The following PRKDC variants were observed in gnomAD, a reference collection of about 807,000 sequenced individuals.
PRKDC encodes the protein protein kinase, DNA-activated, catalytic subunit, also known as DNA-dependent protein kinase catalytic subunit.
PRKDC carries 82 observed loss-of-function variants against 486.9 expected under a neutral mutation model. The observed-to-expected ratio is 0.17, with a 90% CI of 0.14 to 0.20. The LOEUF (loss-of-function observed/expected upper bound fraction) is 0.20. Ranked by LOEUF, PRKDC falls within the 10% of genes least tolerant of loss-of-function variation. The pLI, the probability that PRKDC is intolerant of heterozygous loss-of-function variation, is 1.00. For synonymous variants in PRKDC, 1,895 were observed against 1,837.0 expected (o/e 1.03, Z -0.81); for missense variants, 4,504 against 5,038.2 (o/e 0.89, Z 3.21).
intron 51 of PRKDC, 39 bp downstream of exon 51, chr8:47,854,044 G>C (rs764867353): frequency 1.1e-5 from 18 of 1,608,528 alleles, no homozygotes; most frequent in Non-Finnish European, 1.4e-5. Flanking sequence ...ATCCAGTTTG[G>C]GTAGACGTGA....
Position 47,862,447 on chromosome 8 carries a change from T to C in PRKDC, c.5845A>G (p.Ile1949Val), listed in dbSNP as rs56083215. 40 of 1,613,864 alleles carry C rather than the reference T, an allele frequency of 2.5e-5. No homozygotes were observed. The highest frequency in any genetic ancestry group is 1.7e-4 in the Admixed American group (10 of 60,008). ...TTGAAGACACAGCAGATGACAGATA[T>C]GGCGCAGTTGTATGCTGCACAATGG... ...LYHCAAYNCA[I>V]SVICCVFNEL... The change falls in exon 43 of 86, where the codon ATA (isoleucine) becomes GTA (valine). Residue 1949 changes from isoleucine (I) to valine (V), a missense_variant. By Grantham distance (29) the Ile-to-Val change is conservative (BLOSUM62 3). Coordinates refer to ENST00000314191, the MANE Select transcript of PRKDC (RefSeq NM_006904.7).
At position 47,960,073 on chromosome 8, in the gene PRKDC, G is replaced by C. The variant is rs759688450; in HGVS notation, c.54C>G (p.Thr18=). 2.0e-6 allele frequency: 3 copies of C among 1,530,860 alleles called. No homozygotes were observed. Among genetic ancestry groups the C allele is most frequent in the Non-Finnish European group, 1.7e-6 (2 of 1,145,196 alleles). 94.8% of individuals were successfully genotyped at this position (1,530,860 alleles called of 1,614,324 possible). A position where few individuals can be genotyped will look rare whatever the true frequency, so the allele number is the denominator to read the frequency against. Residue 18 remains threonine (T), a synonymous_variant, in exon 1 of 86, where the codon ACC becomes ACG. Transcript: ENST00000314191. ...VRCSLLRLQE[T]LSAADRCGAA... ...CACCGCAGCGGTCCGCAGCGGACAA[G>C]GTCTCCTGCAGCCGCAGCAGGGAGC...
At chr8:47,947,430 T>C (rs995574594) in intron 7 of PRKDC, among the ~76,000 whole-genome samples, 1 of 152,214 alleles carries the variant, frequency 6.6e-6, no homozygotes, top group Non-Finnish European at 1.5e-5. Context: ...AACTTGGTGA[T>C]TTCAATTACT....
chr8:47,927,143 CTCCATT>C, intron 21 of PRKDC, 45 bp downstream of exon 21: 1 of 1,554,782 alleles, frequency 6.4e-7, no homozygotes, highest in Non-Finnish European at 8.8e-7. Flanking sequence ...ATTATAGTTA[CTCCATT>C]TCCATTTTAA....
chr8:47,885,871 G>T, intron 36 of PRKDC, 73 bp downstream of exon 36: 2 of 1,455,752 alleles, frequency 1.4e-6, no homozygotes, highest in Non-Finnish European at 1.9e-6. Context: ...CAGCCTGGGC[G>T]AAAGTGCAAG....
intron 68 of PRKDC, among the ~76,000 whole-genome samples, chr8:47,808,557 C>T (rs1273114600): frequency 6.6e-6 from 1 of 152,142 alleles, no homozygotes; most frequent in African/African-American, 2.4e-5. Context: ...ACACTACAGC[C>T]TTGAATTCCT....
intron 28 of PRKDC, among the ~76,000 whole-genome samples, chr8:47,899,750 C>T (rs549380852): frequency 3.3e-5 from 5 of 152,280 alleles, no homozygotes; most frequent in African/African-American, 1.2e-4. Flanking sequence ...GCCTCTGTGC[C>T]CCAACTACAT....
Position 47,782,932 on chromosome 8 carries a change from T to C in PRKDC, c.11176-334A>G, listed in dbSNP as rs1486127953. The C allele has an allele frequency of 3.2e-6, 1 of 315,798 alleles. No homozygotes were observed. Among genetic ancestry groups the C allele is most frequent in the Non-Finnish European group, 6.0e-6 (1 of 166,992 alleles). 19.6% of individuals were successfully genotyped at this position (315,798 alleles called of 1,614,324 possible). A position where few individuals can be genotyped will look rare whatever the true frequency, so the allele number is the denominator to read the frequency against. On this transcript the variant is annotated intron_variant, in intron 78 of 85. Coordinates refer to ENST00000314191, the MANE Select transcript of PRKDC (RefSeq NM_006904.7). This position sits in a 1 kb window ranked among gnomAD's most constrained non-coding sequence, Gnocchi z 4.9. ...ACTCACACACAGCTTACTCTTTGAG[T>C]TTATGATATCTTAAATAGAACTGTT...
At chr8:47,889,452 C>T (rs1203976478) in intron 32 of PRKDC, among the ~76,000 whole-genome samples, 2 of 152,204 alleles carry the variant, frequency 1.3e-5, no homozygotes, top group East Asian at 3.9e-4. Context: ...TGGACAGAGG[C>T]GCACAGCCAT....
At chr8:47,905,220 G>T (rs2089756987) in intron 25 of PRKDC, among the ~76,000 whole-genome samples, 1 of 151,986 alleles carries the variant, frequency 6.6e-6, no homozygotes, top group Non-Finnish European at 1.5e-5. Context: ...GTAGAGACAG[G>T]GTTCCACTAT....
At chr8:47,807,382 T>C in intron 68 of PRKDC, 56 bp from the exon 69 acceptor site, 2 of 1,381,222 alleles carry the variant, frequency 1.4e-6, no homozygotes, top group Non-Finnish European at 1.9e-6. Context: ...AGCTGCTGGA[T>C]AGCAATTACA....
chr8:47,780,421 T>C (rs1382021257), intron 80 of PRKDC, among the ~76,000 whole-genome samples: 1 of 152,204 alleles, frequency 6.6e-6, no homozygotes, highest in Non-Finnish European at 1.5e-5. Context: ...ACCTGGGCAA[T>C]GGGAAACAAT....
intron 19 of PRKDC, 81 bp downstream of exon 19, chr8:47,929,011 T>C: frequency 8.9e-7 from 1 of 1,124,708 alleles, no homozygotes; most frequent in South Asian, 1.4e-5. Context: ...AATAATTATT[T>C]ATGATCACTA....
rs755012997 is a variant in PRKDC, at chr8:47,912,454, G to A, written c.2890C>T (p.Arg964Trp). Residue 964 changes from arginine to tryptophan, a missense_variant, in exon 25 of 86, where the codon CGG becomes TGG. Arg to Trp is a moderately radical substitution (Grantham distance 101). Coordinates refer to ENST00000314191, the MANE Select transcript of PRKDC (RefSeq NM_006904.7). ...AGTCGAAGCAGCACAGGAAACGTCC[G>A]CTTATAGAGCTGGTACATGGGTGGG... ...GAPPMYQLYKRTFPVLLRLAC... is the reference protein window; with the variant it reads ...GAPPMYQLYKWTFPVLLRLAC... The A allele has an allele frequency of 1.3e-5, 21 of 1,609,608 alleles. No homozygotes were observed. The highest frequency in any genetic ancestry group is 1.7e-4 in the Middle Eastern group (1 of 6,060).
At chr8:47,825,199 T>A (rs1368290332) in intron 63 of PRKDC, among the ~76,000 whole-genome samples, 1 of 152,126 alleles carries the variant, frequency 6.6e-6, no homozygotes, top group Admixed American at 6.5e-5. Flanking sequence ...CCCTGGATTA[T>A]GTTCACTATA....
chr8:47,818,689 T>C (rs1268551955), intron 67 of PRKDC, among the ~76,000 whole-genome samples: 2 of 151,894 alleles, frequency 1.3e-5, no homozygotes, highest in South Asian at 2.1e-4. Context: ...ATGATTAATA[T>C]GTACTTGAAA....
intron 28 of PRKDC, among the ~76,000 whole-genome samples, chr8:47,899,321 G>A (rs1239408733): frequency 6.6e-6 from 1 of 152,158 alleles, no homozygotes; most frequent in Non-Finnish European, 1.5e-5. Flanking sequence ...TCAACATGAA[G>A]GATAACAGAG....
At chr8:47,807,618 C>G (rs1563745043) in intron 68 of PRKDC, among the ~76,000 whole-genome samples, 1 of 151,556 alleles carries the variant, frequency 6.6e-6, no homozygotes. Flanking sequence ...CGGGGTTTCA[C>G]TGTGTTAGCC....
At chr8:47,787,599 A>G (rs944757115) in intron 76 of PRKDC, among the ~76,000 whole-genome samples, 13 of 152,252 alleles carry the variant, frequency 8.5e-5, no homozygotes, top group Admixed American at 8.5e-4. Flanking sequence ...CTCCTGCCTG[A>G]AAGGAACAAG....
Sources: gnomAD v4.1 joint callset for allele counts (sites outside exome capture counted in the v4.1 genomes callset) on GRCh38, gnomAD v4.1.1 for gene constraint, Gnocchi (gnomAD v3.1) non-coding constraint, MANE v1.5 for transcripts, NCBI Gene and HGNC (gene_info 2026-07-23, HGNC 2026-07-21) for gene names.